Variants in SULT1C3 observed in about 807,000 individuals in gnomAD.
SULT1C3 encodes the protein sulfotransferase family 1C member 3, also known as sulfotransferase 1C3.
SULT1C3 carries 31 observed loss-of-function variants against 28.4 expected under a neutral mutation model. The ratio of observed to expected loss-of-function variants is 1.09; its 90% CI spans 0.82 to 1.47. The LOEUF is 1.47. SULT1C3 is among the 40% of genes most tolerant of loss of function. SULT1C3 has a pLI of 0.00. For synonymous variants in SULT1C3, 106 were observed against 92.2 expected (o/e 1.15, Z -0.86); for missense variants, 307 against 272.5 (o/e 1.13, Z -0.89).
At chr2:108,255,787 G>A in intron 5 of SULT1C3, 89 bp downstream of exon 5, 1 of 1,476,768 alleles carries the variant, frequency 6.8e-7, no homozygotes, top group Non-Finnish European at 9.0e-7. Flanking sequence ...GTTACAAAAG[G>A]CCATCCTGAT....
chr2:108,254,429 A>G (rs1302491376), intron 4 of SULT1C3, among the ~76,000 whole-genome samples: 1 of 151,936 alleles, frequency 6.6e-6, no homozygotes, highest in African/African-American at 2.4e-5. Context: ...AGTTTCATGT[A>G]TCTATATTGG....
intron 1 of SULT1C3, among the ~76,000 whole-genome samples, chr2:108,246,193 A>G (rs1260747838): frequency 6.6e-6 from 1 of 152,186 alleles, no homozygotes; most frequent in Non-Finnish European, 1.5e-5. Flanking sequence ...AGAAAGTTCC[A>G]AACTTTCCCA....
chr2:108,261,102 T>A (rs1196578932), downstream of SULT1C3, among the ~76,000 whole-genome samples: 2 of 152,156 alleles, frequency 1.3e-5, no homozygotes, highest in Non-Finnish European at 2.9e-5. Context: ...CTTTTATGTA[T>A]AAATAATAAC....
intron 4 of SULT1C3, 122 bp from the exon 5 acceptor site, chr2:108,255,450 C>T: frequency 8.8e-7 from 1 of 1,138,060 alleles, no homozygotes; most frequent in African/African-American, 1.6e-5. Context: ...TAATTCATAA[C>T]TAATGTATCT....
chr2:108,262,235 G>A (rs1053312543), downstream of SULT1C3, among the ~76,000 whole-genome samples: 1 of 152,152 alleles, frequency 6.6e-6, no homozygotes, highest in Non-Finnish European at 1.5e-5. Context: ...TTGGAGACAT[G>A]AGAATCCACA....
chr2:108,263,580 G>A (rs1676070024), downstream of SULT1C3, among the ~76,000 whole-genome samples: 1 of 152,184 alleles, frequency 6.6e-6, no homozygotes, highest in African/African-American at 2.4e-5. Flanking sequence ...CATTGGTATA[G>A]GGGAGGTCTA....
chr2:108,260,486 G>A, intron 7 of SULT1C3, 82 bp from the exon 8 acceptor site: 1 of 376,614 alleles, frequency 2.7e-6, no homozygotes, highest in Non-Finnish European at 5.4e-6. Flanking sequence ...AATCACGTGG[G>A]TAGGCCTAGG....
chr2:108,245,643 G>A lies in SULT1C3; in HGVS notation c.-7-1545G>A, dbSNP rs73951721. Among the ~76,000 whole-genome samples, 1,347 of 152,204 alleles carry A rather than the reference G, an allele frequency of 8.8e-3. 18 individuals carry two copies. The highest frequency in any genetic ancestry group is 0.031 in the African/African-American group (1,269 of 41,524). The stretch of plus-strand genomic sequence containing the variant: ...CAAGACCCTAGGCTGCACACAACGC[G>A]GGGACCCTGGGCCTAGTCCACAAAA... On this transcript the variant is annotated intron_variant, in intron 1 of 7. Coordinates refer to ENST00000681802, the MANE Select transcript of SULT1C3 (RefSeq NM_001320878.2).
intron 1 of SULT1C3, among the ~76,000 whole-genome samples, chr2:108,244,201 T>C (rs1675529747): frequency 6.6e-6 from 1 of 152,240 alleles, no homozygotes; most frequent in South Asian, 2.1e-4. Context: ...TCCCCTTTAC[T>C]GGCTCACACA....
At position 108,257,712 on chromosome 2, in the gene SULT1C3, T is replaced by C. The variant is rs573552992; in HGVS notation, c.527-1022T>C. Among the ~76,000 whole-genome samples, 9 of 152,222 alleles carry C rather than the reference T, an allele frequency of 5.9e-5. No homozygotes were observed. The East Asian group carries it at 1.2e-3, about 20-fold the overall frequency. ...TCACTCACAGTGCCTAATATAAAAA[T>C]TAAAGTAATATACACATCTATGTAT... On this transcript the variant is annotated intron_variant, in intron 5 of 7. Transcript: ENST00000681802.
chr2:108,247,272 C>T lies in SULT1C3; in HGVS notation c.78C>T (p.Val26=), dbSNP rs114486672. Reference sequence around the variant, plus strand: ...TTAACATCATGGAAGTAGATGGAGTCCCTACGTTGATATTATCAAAAGAAT... The same window carrying T: ...TTAACATCATGGAAGTAGATGGAGTTCCTACGTTGATATTATCAAAAGAAT... ...ELFNIMEVDG[V]PTLILSKEWW... The change falls in exon 2 of 8, where the codon GTC becomes GTT. Residue 26 remains valine (V), a synonymous_variant. Transcript: ENST00000681802. The T allele has an allele frequency of 0.013, 20,514 of 1,595,144 alleles. 189 individuals are homozygous for T. The highest frequency in any genetic ancestry group is 0.014 in the Non-Finnish European group (16,110 of 1,169,364).
At chr2:108,253,621 G>A (rs1051728287) in intron 4 of SULT1C3, among the ~76,000 whole-genome samples, 179 bp downstream of exon 4, 1 of 152,004 alleles carries the variant, frequency 6.6e-6, no homozygotes, top group Non-Finnish European at 1.5e-5. Flanking sequence ...AAACATCCAT[G>A]TTTTCTAAAA....
At chr2:108,264,543 G>A (rs1265258504), downstream of SULT1C3, among the ~76,000 whole-genome samples, 1 of 152,078 alleles carries the variant, frequency 6.6e-6, no homozygotes, top group African/African-American at 2.4e-5. Flanking sequence ...TCTGTACGTA[G>A]GCAGCATGTA....
chr2:108,261,191 T>C (rs1445144421), downstream of SULT1C3, among the ~76,000 whole-genome samples: 1 of 152,192 alleles, frequency 6.6e-6, no homozygotes, highest in Non-Finnish European at 1.5e-5. Flanking sequence ...AAATTACTAC[T>C]GCAAAATATC....
rs534172669 is a variant in SULT1C3, at chr2:108,245,779, C to T, written c.-7-1409C>T. Among the ~76,000 whole-genome samples the T allele has an allele frequency of 5.9e-5, 9 of 152,232 alleles. No individual in the cohort carries two copies. In the East Asian group the frequency reaches 1.2e-3, roughly 20 times the overall value. ...TTGTCTTGGAGATTAACAATCAGCT[C>T]CTCATTACTTATGCAAATTTCTGCA... On this transcript the variant is annotated intron_variant, in intron 1 of 7. Coordinates refer to ENST00000681802, the MANE Select transcript of SULT1C3 (RefSeq NM_001320878.2).
At chr2:108,259,980 A>G (rs1472095356) in intron 7 of SULT1C3, among the ~76,000 whole-genome samples, 2 of 152,154 alleles carry the variant, frequency 1.3e-5, no homozygotes, top group African/African-American at 2.4e-5. Context: ...AGCATTTCAG[A>G]TTAATCCTCT....
In SULT1C3 at chr2:108,247,230, A is replaced by T; in HGVS notation, c.36A>T (p.Glu12Asp). ...AKIEKNAPTM[E>D]KKPELFNIME... is the part of the protein sequence containing the mutation. ...TTGAGAAAAACGCTCCCACGATGGA[A>T]AAAAAGCCAGAACTGTTTAACATCA... Residue 12 changes from glutamate to aspartate, a missense_variant, in exon 2 of 8, where the codon GAA (glutamate) becomes GAT (aspartate). By Grantham distance (45) the Glu-to-Asp change is conservative (BLOSUM62 2). Transcript: ENST00000681802. The T allele has an allele frequency of 1.3e-6, 2 of 1,549,370 alleles. No individual in the cohort carries two copies. Among genetic ancestry groups the T allele is most frequent in the Non-Finnish European group, 1.7e-6 (2 of 1,143,846 alleles).
intron 5 of SULT1C3, among the ~76,000 whole-genome samples, chr2:108,258,126 T>C (rs1675923959): frequency 6.6e-6 from 1 of 152,108 alleles, no homozygotes; most frequent in African/African-American, 2.4e-5. Flanking sequence ...TTATAATGAC[T>C]GCCCAGAACC....
chr2:108,255,344 C>T (rs891525613), intron 4 of SULT1C3, among the ~76,000 whole-genome samples: 1 of 152,014 alleles, frequency 6.6e-6, no homozygotes, highest in Non-Finnish European at 1.5e-5. Context: ...AGTGGTTCCT[C>T]ATAACCACTC....
Sources: gnomAD v4.1 joint callset for allele counts (sites outside exome capture counted in the v4.1 genomes callset) on GRCh38, gnomAD v4.1.1 for gene constraint, MANE v1.5 for transcripts, NCBI Gene and HGNC (gene_info 2026-07-23, HGNC 2026-07-21) for gene names.